Variants in FBXL5 observed in about 807,000 individuals in gnomAD.
The protein encoded by FBXL5 is F-box/LRR-repeat protein 5.
In FBXL5, 26 loss-of-function variants were observed where a neutral mutation model predicts 78.3. The observed-to-expected ratio is 0.33, with a 90% CI of 0.24 to 0.46. The LOEUF is 0.46. Among genes scored for constraint, FBXL5 ranks in the 20% least tolerant of loss-of-function variants. The probability of loss-of-function intolerance (pLI) is 1.00; values close to 1 mark genes in which losing one functional copy is unlikely to be tolerated. For missense variants in FBXL5, 710 were observed against 829.2 expected, an observed-to-expected ratio of 0.86 and a Z score of 1.77; for synonymous variants, 295 against 282.5, an observed-to-expected ratio of 1.04 and a Z score of -0.45.
At chr4:15,632,828 A>G (rs1713819114) in intron 5 of FBXL5, among the ~76,000 whole-genome samples, 1 of 152,158 alleles carries the variant, frequency 6.6e-6, no homozygotes, top group Non-Finnish European at 1.5e-5. Context: ...GGTTTTCCAA[A>G]TATACAATCA....
rs548711959 is a variant in FBXL5 at position 15,666,281 on chromosome 4, C to A, written c.-283-6359G>T. Among the ~76,000 whole-genome samples the A allele has an allele frequency of 5.9e-5, 9 of 151,838 alleles. No individual in the cohort carries two copies. The South Asian group carries it at 1.9e-3, about 32-fold the overall frequency. ...AGGTATGGTGGTGCATGCCTGTAGT[C>A]CCAGCTACTCAGGAGGCTGAGGTGG... On this transcript the variant is annotated intron_variant, in intron 1 of 4. Coordinates refer to the FBXL5 transcript ENST00000507899.
intron 1 of FBXL5, among the ~76,000 whole-genome samples, chr4:15,671,204 G>A (rs112373423): frequency 9.2e-5 from 14 of 151,898 alleles, no homozygotes; most frequent in Non-Finnish European, 1.8e-4. Context: ...GATTACAGGC[G>A]TGAGTCACTG....
At chr4:15,617,311 G>A (rs1711992929) in intron 9 of FBXL5, among the ~76,000 whole-genome samples, 1 of 152,194 alleles carries the variant, frequency 6.6e-6, no homozygotes, top group Non-Finnish European at 1.5e-5. Flanking sequence ...GGAGGCCGAG[G>A]CAGGTGGACT....
chr4:15,648,883 G>A (rs763897407), intron 1 of FBXL5, among the ~76,000 whole-genome samples: 1 of 152,124 alleles, frequency 6.6e-6, no homozygotes, highest in African/African-American at 2.4e-5. Flanking sequence ...CACACAAAGG[G>A]TAATCGTTTG....
intron 10 of FBXL5, 66 bp downstream of exon 10, chr4:15,612,200 T>G: frequency 7.8e-7 from 1 of 1,287,576 alleles, no homozygotes. Context: ...GGAAAAATTA[T>G]TAGAACTGCT....
chr4:15,628,878 G>C (rs1219198696), intron 6 of FBXL5, among the ~76,000 whole-genome samples: 2 of 151,636 alleles, frequency 1.3e-5, no homozygotes, highest in Non-Finnish European at 2.9e-5. Flanking sequence ...CCATTCTTTT[G>C]TTTCTGTGGC....
intron 9 of FBXL5, among the ~76,000 whole-genome samples, chr4:15,618,785 T>C (rs34910084): frequency 0.075 from 11,402 of 152,110 alleles, 511 homozygotes; most frequent in Middle Eastern, 0.099. Context: ...GAGGTTACAG[T>C]TGAGCCAAGA....
In FBXL5 at chr4:15,653,156, T is replaced by C. The variant is rs143183937; in HGVS notation, c.84+2048A>G. Among the ~76,000 whole-genome samples the C allele has an allele frequency of 1.3e-3, 197 of 152,300 alleles. 2 individuals carry two copies. Among genetic ancestry groups the C allele is most frequent in the African/African-American group, 4.5e-3 (187 of 41,564 alleles). On this transcript the variant is annotated intron_variant, in intron 1 of 10. Coordinates refer to ENST00000341285, the MANE Select transcript of FBXL5 (RefSeq NM_012161.4). Reference sequence around the variant, plus strand: ...GTTTCAGTTCAGAAAATTGGACTTTTAATCTTCGTGATAAACGTATACAAC... The same window carrying C: ...GTTTCAGTTCAGAAAATTGGACTTTCAATCTTCGTGATAAACGTATACAAC...
rs1280877571 is a variant in FBXL5 at position 15,625,537 on chromosome 4, C to T, written c.1565G>A (p.Ser522Asn). 1.9e-6 allele frequency: 3 copies of T among 1,614,050 alleles called. No homozygotes were observed. Among genetic ancestry groups the T allele is most frequent in the African/African-American group, 2.7e-5 (2 of 74,952 alleles). The change falls in exon 9 of 11, where the codon AGT becomes AAT. Residue 522 changes from serine (S) to asparagine (N), a missense_variant. By Grantham distance (46) the Ser-to-Asn change is conservative (BLOSUM62 1). Coordinates refer to ENST00000341285, the MANE Select transcript of FBXL5 (RefSeq NM_012161.4). Reference protein sequence around the residue: ...NFSCSTSGCFSKDIVGLRTSV... With the variant: ...NFSCSTSGCFNKDIVGLRTSV... Reference sequence around the variant, plus strand: ...AGTCCTTAGTCCAACAATGTCCTTACTAAAACAACCAGAGGTGGAACAACT... The same window carrying T: ...AGTCCTTAGTCCAACAATGTCCTTATTAAAACAACCAGAGGTGGAACAACT...
At chr4:15,641,245 G>A (rs796332649) in intron 2 of FBXL5, among the ~76,000 whole-genome samples, 5 of 152,010 alleles carry the variant, frequency 3.3e-5, no homozygotes, top group African/African-American at 1.2e-4. Context: ...TCCCTTTATG[G>A]TCATCTAGTG....
rs1712968406 is a variant in FBXL5 at position 15,625,665 on chromosome 4, C to T, written c.1437G>A (p.Val479=). The T allele has an allele frequency of 1.9e-6, 3 of 1,614,230 alleles. No homozygotes were observed. In the East Asian group the frequency reaches 6.7e-5, roughly 36 times the overall value. The part of the protein sequence containing the change: ...VSSENFTSPY[V]WMLDAEDLAD... ...CCAAATCTTCAGCATCTAACATCCA[C>T]ACATAAGGAGAAGTGAAATTCTCAG... Residue 479 remains valine, a synonymous_variant, in exon 9 of 11, where the codon GTG becomes GTA. Coordinates refer to ENST00000341285, the MANE Select transcript of FBXL5 (RefSeq NM_012161.4).
chr4:15,636,123 A>C (rs1235989047), intron 5 of FBXL5, among the ~76,000 whole-genome samples: 3 of 152,092 alleles, frequency 2.0e-5, no homozygotes, highest in Non-Finnish European at 2.9e-5. Context: ...TATTTAAAGC[A>C]GTTTTGAAAG....
chr4:15,652,722 C>T (rs554219730), intron 1 of FBXL5, among the ~76,000 whole-genome samples: 7 of 152,254 alleles, frequency 4.6e-5, no homozygotes, highest in African/African-American at 1.7e-4. Context: ...ATGGATGCTT[C>T]TAAAATACAT....
chr4:15,641,791 C>A (rs1336398141), intron 2 of FBXL5, among the ~76,000 whole-genome samples: 1 of 152,102 alleles, frequency 6.6e-6, no homozygotes, highest in Non-Finnish European at 1.5e-5. Context: ...CTTTGGGACG[C>A]AGAGGCAGGC....
chr4:15,645,802 G>GTAACATTATTGT (rs1715294685), intron 1 of FBXL5, among the ~76,000 whole-genome samples: 1 of 152,112 alleles, frequency 6.6e-6, no homozygotes, highest in Admixed American at 6.5e-5. Flanking sequence ...ATGGTTGTTA[G>GTAACATTATTGT]TACTCAATAA....
chr4:15,664,164 T>C (rs1560249181), upstream of FBXL5, among the ~76,000 whole-genome samples: 1 of 152,192 alleles, frequency 6.6e-6, no homozygotes, highest in Non-Finnish European at 1.5e-5. Flanking sequence ...CTTAAAAGCT[T>C]TCATTTTTCC....
upstream of FBXL5, among the ~76,000 whole-genome samples, chr4:15,661,076 C>CAA (rs370641382): frequency 1.5e-5 from 2 of 131,756 alleles, no homozygotes; most frequent in Non-Finnish European, 1.7e-5. Flanking sequence ...GGCTCCATTT[C>CAA]AAAAAAAAAA....
intron 1 of FBXL5, among the ~76,000 whole-genome samples, chr4:15,679,649 CACA>C (rs779925991): frequency 4.6e-5 from 7 of 151,454 alleles, no homozygotes; most frequent in South Asian, 4.2e-4. Flanking sequence ...CTTCTTATCA[CACA>C]ACAAGTTATT....
At chr4:15,673,809 ATC>A (rs1463573139) in intron 1 of FBXL5, among the ~76,000 whole-genome samples, 5 of 152,260 alleles carry the variant, frequency 3.3e-5, no homozygotes, top group African/African-American at 1.2e-4. Context: ...TCCAGGCTCT[ATC>A]AACAGAGGGA....
Sources: gnomAD v4.1 joint callset for allele counts (sites outside exome capture counted in the v4.1 genomes callset) on GRCh38, gnomAD v4.1.1 for gene constraint, MANE v1.5 for transcripts, NCBI Gene and HGNC (gene_info 2026-07-23, HGNC 2026-07-21) for gene names.